GALNT18: variants seen among roughly 807,000 people sequenced by gnomAD.
The protein encoded by GALNT18 is polypeptide N-acetylgalactosaminyltransferase 18.
A neutral mutation model predicts 69.5 loss-of-function variants in GALNT18; 44 were observed. The ratio of observed to expected loss-of-function variants is 0.63; its 90% CI spans 0.50 to 0.81. The LOEUF (loss-of-function observed/expected upper bound fraction) is 0.81, where lower values mean the gene tolerates loss of function less well. GALNT18 is among the 40% of genes least tolerant of loss of function. The pLI is 0.00. For missense variants in GALNT18, 715 were observed against 810.0 expected, an observed-to-expected ratio of 0.88 and a Z score of 1.42; for synonymous variants, 364 against 318.2, an observed-to-expected ratio of 1.14 and a Z score of -1.53.
intron 6 of GALNT18, among the ~76,000 whole-genome samples, chr11:11,348,565 C>T (rs1198678183): frequency 6.6e-6 from 1 of 152,120 alleles, no homozygotes. Flanking sequence ...CTTTAGTCTC[C>T]AGATAACAGC....
chr11:11,460,447 A>C (rs1856013987), intron 1 of GALNT18, among the ~76,000 whole-genome samples: 1 of 152,190 alleles, frequency 6.6e-6, no homozygotes. Context: ...GAGTGTGAAC[A>C]CACCCCGTAC....
rs1295534632 is a variant in GALNT18 at position 11,314,485 on chromosome 11, A to G, written c.1512+12601T>C. ...CAGCACTAACATCTGTGTGCCTATAACATCCGTTGGCTCCCTCCCTGTCTG... is the reference window on the plus strand; with the variant it reads ...CAGCACTAACATCTGTGTGCCTATAGCATCCGTTGGCTCCCTCCCTGTCTG... On this transcript the variant is annotated intron_variant, in intron 9 of 10. Transcript: ENST00000227756. This position sits in a 1 kb window ranked among gnomAD's most constrained non-coding sequence, Gnocchi z 5.2. Among the ~76,000 whole-genome samples, 1 of 152,114 alleles carries G rather than the reference A, an allele frequency of 6.6e-6. No homozygotes were observed. Among genetic ancestry groups the G allele is most frequent in the African/African-American group, 2.4e-5 (1 of 41,428 alleles).
chr11:11,294,083 C>G (rs1327617970), intron 9 of GALNT18, among the ~76,000 whole-genome samples: 1 of 152,176 alleles, frequency 6.6e-6, no homozygotes, highest in Non-Finnish European at 1.5e-5. Flanking sequence ...GGACTCAGCA[C>G]ATAGCTGTAC....
At chr11:11,280,236 C>G (rs528744872) in intron 10 of GALNT18, among the ~76,000 whole-genome samples, 3 of 152,190 alleles carry the variant, frequency 2.0e-5, no homozygotes, top group Admixed American at 6.5e-5. Flanking sequence ...CTGGGGCCCA[C>G]TGTTTGCCAG....
rs910167132 is a variant in GALNT18 at position 11,332,560 on chromosome 11, C to A, written c.1416+134G>T. On this transcript the variant is annotated intron_variant, in intron 8 of 10. Transcript: ENST00000227756. This position sits in a 1 kb window ranked among gnomAD's most constrained non-coding sequence, Gnocchi z 4.3. ...AAAGGCTGTCTTGCAGGTGCAGAAC[C>A]CAGCGCCCGGTCCCCAGGCCTACTG... is the stretch of plus-strand genomic sequence containing the variant. 2 of 962,994 alleles carry A rather than the reference C, an allele frequency of 2.1e-6. No homozygotes were observed. Among genetic ancestry groups the A allele is most frequent in the Admixed American group, 4.5e-5 (2 of 44,208 alleles). The allele number at this position is 962,994 out of a possible 1,614,324, so 59.7% of individuals were successfully genotyped here.
intron 5 of GALNT18, among the ~76,000 whole-genome samples, chr11:11,376,350 C>G (rs12281260): frequency 0.033 from 4,926 of 151,204 alleles, 120 homozygotes; most frequent in East Asian, 0.1. Context: ...CCATTGCCCT[C>G]CAGCCTGGGT....
At chr11:11,545,385 C>T (rs1858028204) in intron 1 of GALNT18, among the ~76,000 whole-genome samples, 1 of 152,208 alleles carries the variant, frequency 6.6e-6, no homozygotes, top group Non-Finnish European at 1.5e-5. Flanking sequence ...GCTTCCTTCT[C>T]CCATGGGCTC....
Position 11,470,222 on chromosome 11 carries a change from C to T in GALNT18, c.236-21286G>A, listed in dbSNP as rs1053460652. 6.6e-6 allele frequency among the ~76,000 whole-genome samples: 1 copy of T among 152,284 alleles called. No homozygotes were observed. The highest frequency in any genetic ancestry group is 1.9e-4 in the East Asian group (1 of 5,178). ...TCATTGTGTCACTAAGGGCAGAGACCCTGTACCACCAGGTTCAAGGCCAGG... is the reference window on the plus strand; with the variant it reads ...TCATTGTGTCACTAAGGGCAGAGACTCTGTACCACCAGGTTCAAGGCCAGG... On this transcript the variant is annotated intron_variant, in intron 1 of 10. Coordinates refer to ENST00000227756, the MANE Select transcript of GALNT18 (RefSeq NM_198516.3). This position sits in a 1 kb window ranked among gnomAD's most constrained non-coding sequence, Gnocchi z 4.8.
At chr11:11,306,753 G>A (rs1849584300) in intron 9 of GALNT18, among the ~76,000 whole-genome samples, 1 of 152,172 alleles carries the variant, frequency 6.6e-6, no homozygotes. Flanking sequence ...TTATACAAAT[G>A]GCCACAGATT....
In GALNT18 at chr11:11,598,505, C is replaced by T. The variant is rs1217532370; in HGVS notation, c.235+22854G>A. ...GTGTGTGTAACCTTCCTCTGCTTCT[C>T]TCTTAGGAGGTTACTGATTATCAAA... On this transcript the variant is annotated intron_variant, in intron 1 of 10. Transcript: ENST00000227756. This position sits in a 1 kb window ranked among gnomAD's most constrained non-coding sequence, Gnocchi z 4.8. 1.3e-5 allele frequency among the ~76,000 whole-genome samples: 2 copies of T among 152,302 alleles called. No homozygotes were observed. Among genetic ancestry groups the T allele is most frequent in the African/African-American group, 4.8e-5 (2 of 41,578 alleles).
intron 8 of GALNT18, among the ~76,000 whole-genome samples, chr11:11,331,360 C>G (rs1850014140): frequency 6.6e-6 from 1 of 152,096 alleles, no homozygotes; most frequent in East Asian, 1.9e-4. Context: ...AACAGAGACC[C>G]TGGGGGTAGA....
intron 5 of GALNT18, among the ~76,000 whole-genome samples, chr11:11,376,165 G>A (rs11603564): frequency 0.065 from 9,827 of 152,132 alleles, 449 homozygotes; most frequent in Middle Eastern, 0.22. Context: ...GGTAGATCAC[G>A]AGGTCAGGAG....
At chr11:11,557,952 G>A (rs1384711144) in intron 1 of GALNT18, among the ~76,000 whole-genome samples, 1 of 152,226 alleles carries the variant, frequency 6.6e-6, no homozygotes, top group African/African-American at 2.4e-5. Context: ...TCAGCTGCGA[G>A]TGTTTTTGAG....
chr11:11,478,856 C>T (rs1273174403), intron 1 of GALNT18, among the ~76,000 whole-genome samples: 83 of 47,062 alleles, frequency 1.8e-3, no homozygotes, highest in African/African-American at 6.9e-3. Context: ...GAGATGGGGG[C>T]GGGGGAGGGG....
intron 9 of GALNT18, among the ~76,000 whole-genome samples, chr11:11,306,640 A>G (rs914943719): frequency 2.0e-5 from 3 of 152,194 alleles, no homozygotes; most frequent in Non-Finnish European, 4.4e-5. Flanking sequence ...CATATTGGGG[A>G]TCCCTTTTCT....
rs1396474095 is a variant in GALNT18 at position 11,619,464 on chromosome 11, C to T, written c.235+1895G>A. Among the ~76,000 whole-genome samples, 1 of 152,192 alleles carries T rather than the reference C, an allele frequency of 6.6e-6. No homozygotes were observed. Among genetic ancestry groups the T allele is most frequent in the Non-Finnish European group, 1.5e-5 (1 of 68,046 alleles). On this transcript the variant is annotated intron_variant, in intron 1 of 10. Coordinates refer to ENST00000227756, the MANE Select transcript of GALNT18 (RefSeq NM_198516.3). The surrounding 1 kb of genome is among the most constrained non-coding windows in gnomAD (Gnocchi z 4.9). ...CTTAGAAATCATGTGACATGGTCCA[C>T]ATTCCACATGACTGGCACCCACTCC...
At position 11,512,409 on chromosome 11, in the gene GALNT18, TTC is replaced by T. The variant is rs57676247; in HGVS notation, c.236-63475_236-63474del. The stretch of plus-strand genomic sequence containing the variant: ...GTTCATGGTGCTTGTCATTTACAGA[TTC>T]TCTCTGGATTTCACTCAGAGATGGA... On this transcript the variant is annotated intron_variant, in intron 1 of 10. Transcript: ENST00000227756. Among the ~76,000 whole-genome samples, 448 of 152,336 alleles carry T rather than the reference TTC, an allele frequency of 2.9e-3. 1 individual carries two copies. Among genetic ancestry groups the T allele is most frequent in the African/African-American group, 9.5e-3 (395 of 41,582 alleles).
At chr11:11,554,394 A>G (rs563925170) in intron 1 of GALNT18, among the ~76,000 whole-genome samples, 1 of 150,960 alleles carries the variant, frequency 6.6e-6, no homozygotes, top group African/African-American at 2.4e-5. Context: ...AGCCTCAGGG[A>G]CACCTGTAAT....
At position 11,511,199 on chromosome 11, in the gene GALNT18, C is replaced by G. The variant is rs538452940; in HGVS notation, c.236-62263G>C. 6.6e-6 allele frequency among the ~76,000 whole-genome samples: 1 copy of G among 152,308 alleles called. No individual in the cohort carries two copies. Among genetic ancestry groups the G allele is most frequent in the African/African-American group, 2.4e-5 (1 of 41,560 alleles). On this transcript the variant is annotated intron_variant, in intron 1 of 10. Coordinates refer to ENST00000227756, the MANE Select transcript of GALNT18 (RefSeq NM_198516.3). This position sits in a 1 kb window ranked among gnomAD's most constrained non-coding sequence, Gnocchi z 4.9. ...CTGTGAATAATGGCATTGAAGTATTCAAGGGCTGCATTCAGGAGCTGAATC... is the reference window on the plus strand; with the variant it reads ...CTGTGAATAATGGCATTGAAGTATTGAAGGGCTGCATTCAGGAGCTGAATC...
Sources: allele counts gnomAD v4.1 joint callset (sites outside exome capture counted in the v4.1 genomes callset), GRCh38; gene constraint gnomAD v4.1.1; non-coding constraint Gnocchi (gnomAD v3.1); transcripts MANE v1.5; gene names NCBI Gene and HGNC (gene_info 2026-07-23, HGNC 2026-07-21).